ARAP1: variants seen among roughly 807,000 people sequenced by gnomAD.
The protein encoded by ARAP1 is arf-GAP with Rho-GAP domain, ANK repeat and PH domain-containing protein 1.
A neutral mutation model predicts 172.2 loss-of-function variants in ARAP1; 76 were observed. The observed-to-expected ratio is 0.44, with a 90% confidence interval of 0.37 to 0.53. ARAP1 has a LOEUF of 0.53. Ranked by LOEUF, ARAP1 falls within the 20% of genes least tolerant of loss-of-function variation. The pLI is 0.00. For synonymous variants in ARAP1, 804 were observed against 803.3 expected (o/e 1.00, Z -0.01); for missense variants, 1,686 against 1,977.5 (o/e 0.85, Z 2.80).
chr11:72,743,877 T>C (rs1226464214), intron 1 of ARAP1, among the ~76,000 whole-genome samples: 1 of 151,926 alleles, frequency 6.6e-6, no homozygotes, highest in Non-Finnish European at 1.5e-5. Context: ...CTACCTCTCC[T>C]GCCTGCCTAC....
Position 72,685,303 on chromosome 11 carries a change from TCC to T in ARAP1, c.*359_*360del. ...GAGTTTGTTGGGAGGAGCAGGGGGC[TCC>T]CTTCCGGCAGGGCCCCAGGGCCTCA... On this transcript the variant is annotated 3_prime_UTR_variant, in exon 35 of 35. Coordinates refer to ENST00000393609, the MANE Select transcript of ARAP1 (RefSeq NM_001040118.3). The T allele has an allele frequency of 3.1e-6, 1 of 319,534 alleles. No individual in the cohort carries two copies. Among genetic ancestry groups the T allele is most frequent in the Non-Finnish European group, 5.9e-6 (1 of 169,044 alleles). 19.8% of individuals were successfully genotyped at this position (319,534 alleles called of 1,614,324 possible).
At chr11:72,685,708 T>A in intron 34 of ARAP1, 27 bp from the exon 35 acceptor site, 1 of 1,613,828 alleles carries the variant, frequency 6.2e-7, no homozygotes, top group Non-Finnish European at 8.5e-7. Flanking sequence ...GACCCACAGG[T>A]ATTTTGTGAA....
Position 72,727,105 on chromosome 11 carries a change from CGCA to C in ARAP1, c.21_23del (p.Ala8del). ...CCCGCAGCCACTCGGCCACCGATAG[CGCA>C]GCATCCCCAGCCTCTGCCATGGTTC... On this transcript the variant is annotated inframe_deletion, in exon 3 of 35. Coordinates refer to ENST00000393609, the MANE Select transcript of ARAP1 (RefSeq NM_001040118.3). The C allele has an allele frequency of 6.3e-7, 1 of 1,592,210 alleles. No homozygotes were observed. Among genetic ancestry groups the C allele is most frequent in the Non-Finnish European group, 8.6e-7 (1 of 1,165,402 alleles).
At chr11:72,719,226 A>T (rs1368371828) in intron 3 of ARAP1, among the ~76,000 whole-genome samples, 4 of 152,186 alleles carry the variant, frequency 2.6e-5, no homozygotes. Flanking sequence ...CTGAGAGGGA[A>T]CACATCACTG....
At chr11:72,749,257 C>A (rs1385960625) in intron 1 of ARAP1, among the ~76,000 whole-genome samples, 1 of 152,200 alleles carries the variant, frequency 6.6e-6, no homozygotes, top group Non-Finnish European at 1.5e-5. Flanking sequence ...ACACCTGGGT[C>A]CTGACCCTGT....
chr11:72,688,289 A>G (rs1411572691), intron 31 of ARAP1, among the ~76,000 whole-genome samples, 166 bp downstream of exon 31: 2 of 152,070 alleles, frequency 1.3e-5, no homozygotes, highest in Non-Finnish European at 2.9e-5. Context: ...TTGGCAGAGA[A>G]TTTGTGTTGA....
rs762534933 is a variant in ARAP1, at chr11:72,713,192, C to A, written c.731G>T (p.Arg244Ile). ...VPEEGPGAPA[R>I]VMTKKEEPPP... The stretch of plus-strand genomic sequence containing the variant: ...TGGCCCCACCTTCTTGGTCATCACT[C>A]TGGCTGGGGCCCCCGGCCCCTCCTC... The change falls in exon 5 of 35, where the codon AGA (arginine) becomes ATA (isoleucine). Residue 244 changes from arginine to isoleucine, a missense_variant. Around this residue, in one of 5 missense-constraint regions of ARAP1, gnomAD observed 155 missense variants for 129.2 expected, o/e 1.20. Coordinates refer to ENST00000393609, the MANE Select transcript of ARAP1 (RefSeq NM_001040118.3). 1.2e-6 allele frequency: 2 copies of A among 1,613,850 alleles called. No homozygotes were observed. Among genetic ancestry groups the A allele is most frequent in the Middle Eastern group, 3.3e-4 (2 of 6,058 alleles).
chr11:72,735,287 A>G (rs1486536912), intron 1 of ARAP1, among the ~76,000 whole-genome samples: 2 of 151,536 alleles, frequency 1.3e-5, no homozygotes, highest in Non-Finnish European at 2.9e-5. Flanking sequence ...TTGGCCATCC[A>G]CTTTTAACCA....
Position 72,711,018 on chromosome 11 carries a change from C to G in ARAP1, c.1213+3G>C, listed in dbSNP as rs1430347645. ...CACACACACAACACCCCACACTCCC[C>G]ACCATCACTCTCTGCCCGGAAGGCA... On this transcript the variant is annotated splice_donor_region_variant and intron_variant, in intron 9 of 34. Coordinates refer to ENST00000393609, the MANE Select transcript of ARAP1 (RefSeq NM_001040118.3). The G allele has an allele frequency of 3.7e-6, 6 of 1,614,206 alleles. No individual in the cohort carries two copies. Among genetic ancestry groups the G allele is most frequent in the Non-Finnish European group, 5.1e-6 (6 of 1,180,024 alleles).
At chr11:72,696,931 CCGGAGGGATGGGTGGAGGAGG>C (rs1354212657) in intron 22 of ARAP1, 31 bp downstream of exon 22, 233 of 1,551,364 alleles carry the variant, frequency 1.5e-4, no homozygotes, top group Non-Finnish European at 2.0e-4. Flanking sequence ...GCGCAGGAGT[CCGGAGGGATGGGTGGAGGAGG>C]AGGAGGCTGG....
In ARAP1 at chr11:72,693,481, G is replaced by C. The variant is rs754317355; in HGVS notation, c.3809-11C>G. 3 of 1,610,882 alleles carry C rather than the reference G, an allele frequency of 1.9e-6. No homozygotes were observed. Among genetic ancestry groups the C allele is most frequent in the Non-Finnish European group, 2.5e-6 (3 of 1,178,056 alleles). On this transcript the variant is annotated splice_polypyrimidine_tract_variant and intron_variant, in intron 28 of 34. Transcript: ENST00000393609. This position sits in a 1 kb window ranked among gnomAD's most constrained non-coding sequence, Gnocchi z 4.6. ...CACCGACACGGCTGGCTGGGGGGTGGGACTGGAGTGGGCACAGGCTGCACC... is the reference window on the plus strand; with the variant it reads ...CACCGACACGGCTGGCTGGGGGGTGCGACTGGAGTGGGCACAGGCTGCACC...
chr11:72,694,374 C>T (rs1257057175), intron 27 of ARAP1, among the ~76,000 whole-genome samples: 1 of 151,712 alleles, frequency 6.6e-6, no homozygotes, highest in African/African-American at 2.4e-5. Flanking sequence ...GATCTCCAGC[C>T]CCACCCATGT....
At position 72,702,957 on chromosome 11, in the gene ARAP1, C is replaced by G; in HGVS notation, c.2115G>C (p.Glu705Asp). The G allele has an allele frequency of 6.4e-7, 1 of 1,570,860 alleles. No individual in the cohort carries two copies. The highest frequency in any genetic ancestry group is 8.6e-7 in the Non-Finnish European group (1 of 1,157,576). Reference protein sequence around the residue: ...PEAPTPLALAEQAGQTLQMEF... With the variant: ...PEAPTPLALADQAGQTLQMEF... Reference sequence around the variant, plus strand: ...CCATCTGCAGCGTCTGCCCCGCCTGCTCTGCAAGAGCCAGGGGCGTGGGGG... The same window carrying G: ...CCATCTGCAGCGTCTGCCCCGCCTGGTCTGCAAGAGCCAGGGGCGTGGGGG... Residue 705 changes from glutamate (E) to aspartate (D), a missense_variant, in exon 15 of 35, where the codon GAG becomes GAC. Physicochemically the swap from Glu to Asp is conservative, Grantham distance 45 (BLOSUM62 2). Around this residue, in one of 5 missense-constraint regions of ARAP1, gnomAD observed 688 missense variants for 856.9 expected, o/e 0.80. Coordinates refer to ENST00000393609, the MANE Select transcript of ARAP1 (RefSeq NM_001040118.3).
intron 2 of ARAP1, among the ~76,000 whole-genome samples, chr11:72,728,872 T>C (rs567511302): frequency 6.6e-6 from 1 of 152,332 alleles, no homozygotes; most frequent in African/African-American, 2.4e-5. Context: ...ACTTTATAAA[T>C]GTACACAATC....
At chr11:72,704,118 G>T in intron 14 of ARAP1, 34 bp downstream of exon 14, 1 of 1,613,458 alleles carries the variant, frequency 6.2e-7, no homozygotes, top group African/African-American at 1.3e-5. Flanking sequence ...GACGGGGGTG[G>T]TCCCAAGGGG....
rs376292563 is a variant in ARAP1 at position 72,696,677 on chromosome 11, G to A, written c.3167-23C>T. ...TCTCTGGGTGGGAAAGATAAATCAA[G>A]TCAGAAACCCCCTGTAACTATCTTC... On this transcript the variant is annotated intron_variant, in intron 22 of 34. Transcript: ENST00000393609. 1.4e-5 allele frequency: 21 copies of A among 1,555,090 alleles called. No homozygotes were observed. In the African/African-American group the frequency reaches 2.7e-4, roughly 20 times the overall value.
At chr11:72,697,873 T>G (rs1341179360) in intron 19 of ARAP1, 38 bp downstream of exon 19, 2 of 1,526,196 alleles carry the variant, frequency 1.3e-6, no homozygotes, top group Non-Finnish European at 1.8e-6. Flanking sequence ...CAGGATAGGG[T>G]GCCCTGGAGG....
chr11:72,704,464 G>A (rs1591193769), intron 13 of ARAP1, 130 bp from the exon 14 acceptor site: 1 of 1,043,408 alleles, frequency 9.6e-7, no homozygotes, highest in South Asian at 1.7e-5. Context: ...TTCCCAATGG[G>A]GAAGGTGAGG....
chr11:72,693,624 C>G lies in ARAP1; in HGVS notation c.3808+68G>C. ...TCTGAGCTGTTCCTACCTGGCACCA[C>G]CAGGTCCCACCCTGGCTCTGGAAGA... On this transcript the variant is annotated intron_variant, in intron 28 of 34. Transcript: ENST00000393609. The surrounding 1 kb of genome is among the most constrained non-coding windows in gnomAD (Gnocchi z 4.6). The G allele has an allele frequency of 6.5e-7, 1 of 1,532,954 alleles. No homozygotes were observed. The highest frequency in any genetic ancestry group is 1.2e-5 in the South Asian group (1 of 81,960). The allele number at this position is 1,532,954 out of a possible 1,614,324, so 95.0% of individuals were successfully genotyped here.
Sources: gnomAD v4.1 joint callset for allele counts (sites outside exome capture counted in the v4.1 genomes callset) on GRCh38, gnomAD v4.1.1 for gene constraint, gnomAD v4.1.1 regional missense constraint, Gnocchi (gnomAD v3.1) non-coding constraint, MANE v1.5 for transcripts, NCBI Gene and HGNC (gene_info 2026-07-23, HGNC 2026-07-21) for gene names.